The following TRABD2B variants were observed in gnomAD, a reference collection of about 807,000 sequenced individuals.
The protein encoded by TRABD2B is metalloprotease TIKI2.
In TRABD2B, 14 loss-of-function variants were observed where a neutral mutation model predicts 40.1. That is an observed-to-expected ratio of 0.35 (90% CI 0.23 to 0.55). TRABD2B has a LOEUF of 0.55. Ranked by LOEUF, TRABD2B falls within the 20% of genes least tolerant of loss-of-function variation. The probability of loss-of-function intolerance (pLI) is 0.90; values close to 1 mark genes in which losing one functional copy is unlikely to be tolerated. For missense variants in TRABD2B, 541 were observed against 648.6 expected, an observed-to-expected ratio of 0.83 and a Z score of 1.80; for synonymous variants, 263 against 277.0, an observed-to-expected ratio of 0.95 and a Z score of 0.50.
intron 2 of TRABD2B, among the ~76,000 whole-genome samples, chr1:47,902,315 A>T (rs538609341): frequency 2.0e-5 from 3 of 152,214 alleles, no homozygotes; most frequent in Non-Finnish European, 1.5e-5. Flanking sequence ...AGGTGTTGAT[A>T]AAATGGTGGG....
At chr1:47,970,555 G>A (rs1027127592) in intron 2 of TRABD2B, among the ~76,000 whole-genome samples, 2 of 152,140 alleles carry the variant, frequency 1.3e-5, no homozygotes, top group Admixed American at 6.5e-5. Context: ...TGCCTGAAAT[G>A]CCCTTCTCAT....
At chr1:47,876,187 C>G (rs144881175) in intron 2 of TRABD2B, among the ~76,000 whole-genome samples, 1 of 152,316 alleles carries the variant, frequency 6.6e-6, no homozygotes, top group East Asian at 1.9e-4. Context: ...GCGCGTCACC[C>G]TCTCTAAGCC....
chr1:47,856,562 T>C (rs755616703), intron 2 of TRABD2B, among the ~76,000 whole-genome samples: 7 of 152,204 alleles, frequency 4.6e-5, no homozygotes, highest in Non-Finnish European at 8.8e-5. Flanking sequence ...TTTGCCATCG[T>C]AGGACACAGC....
chr1:47,967,082 T>A (rs528565695), intron 2 of TRABD2B, among the ~76,000 whole-genome samples: 1 of 152,258 alleles, frequency 6.6e-6, no homozygotes, highest in South Asian at 2.1e-4. Flanking sequence ...GGATGGTTAG[T>A]GGCCTGGCCT....
intron 2 of TRABD2B, among the ~76,000 whole-genome samples, chr1:47,924,399 C>A (rs1413408566): frequency 1.3e-5 from 2 of 152,198 alleles, no homozygotes; most frequent in Non-Finnish European, 2.9e-5. Flanking sequence ...CCAGCCTACA[C>A]CTGATGCTCA....
rs139542553 is a variant in TRABD2B at position 47,895,958 on chromosome 1, T to C, written c.667-94339A>G. On this transcript the variant is annotated intron_variant, in intron 2 of 6. Coordinates refer to ENST00000606738, the MANE Select transcript of TRABD2B (RefSeq NM_001194986.2). ...CAGTGAAGGGGGGAAGGTTCCTGTG[T>C]GCCTTGGCCCCAGTGGCAGGACTCA... Among the ~76,000 whole-genome samples, 16 of 152,336 alleles carry C rather than the reference T, an allele frequency of 1.1e-4. 1 individual carries two copies. In the East Asian group the frequency reaches 2.9e-3, roughly 28 times the overall value.
chr1:47,914,434 C>T (rs1042517111), intron 2 of TRABD2B, among the ~76,000 whole-genome samples: 1 of 152,184 alleles, frequency 6.6e-6, no homozygotes, highest in Non-Finnish European at 1.5e-5. Flanking sequence ...GTGGGAAGAG[C>T]GGGGAGCTCC....
chr1:47,863,394 A>ATATATATATATATAT (rs1396681662), intron 2 of TRABD2B, among the ~76,000 whole-genome samples: 57 of 130,610 alleles, frequency 4.4e-4, no homozygotes, highest in East Asian at 1.2e-3. Flanking sequence ...ATATATATAT[A>ATATATATATATATAT]ATCTCTTAAA....
chr1:47,966,865 A>T (rs544977920), intron 2 of TRABD2B, among the ~76,000 whole-genome samples: 17 of 150,860 alleles, frequency 1.1e-4, no homozygotes, highest in Non-Finnish European at 2.2e-4. Context: ...AAATCACACC[A>T]CTGCACCACA....
Position 47,891,855 on chromosome 1 carries a change from G to GA in TRABD2B, c.667-90237dup, listed in dbSNP as rs555176972. ...ACAACAAGAAAAAACAAAAATGAAA[G>GA]AAAAAAAAAAGAAAGAGCAAGGGAC... On this transcript the variant is annotated intron_variant, in intron 2 of 6. Coordinates refer to ENST00000606738, the MANE Select transcript of TRABD2B (RefSeq NM_001194986.2). Among the ~76,000 whole-genome samples, 23 of 147,304 alleles carry GA rather than the reference G, an allele frequency of 1.6e-4. 1 individual carries two copies. Among genetic ancestry groups the GA allele is most frequent in the East Asian group, 3.9e-4 (2 of 5,080 alleles).
At chr1:47,980,669 A>G (rs968681723) in intron 2 of TRABD2B, among the ~76,000 whole-genome samples, 2 of 152,164 alleles carry the variant, frequency 1.3e-5, no homozygotes, top group Admixed American at 1.3e-4. Flanking sequence ...AGCCATCTAG[A>G]CTGGTGGCAT....
intron 2 of TRABD2B, among the ~76,000 whole-genome samples, chr1:47,976,986 A>C (rs2148434370): frequency 6.6e-6 from 1 of 152,274 alleles, no homozygotes; most frequent in East Asian, 1.9e-4. Flanking sequence ...GATGTGATTC[A>C]GGTTTCACCA....
intron 2 of TRABD2B, among the ~76,000 whole-genome samples, chr1:47,980,825 A>G (rs1397577569): frequency 1.3e-5 from 2 of 152,046 alleles, no homozygotes; most frequent in Non-Finnish European, 2.9e-5. Flanking sequence ...AAAATGGACT[A>G]TCTCACTCTC....
intron 2 of TRABD2B, among the ~76,000 whole-genome samples, chr1:47,833,024 T>C (rs539405123): frequency 6.6e-6 from 1 of 152,294 alleles, no homozygotes; most frequent in East Asian, 1.9e-4. Context: ...ACCATATAAA[T>C]TGTGTGGTAA....
chr1:47,819,332 G>C (rs947612265), intron 2 of TRABD2B: 1 of 152,274 alleles, frequency 6.6e-6, no homozygotes, highest in Admixed American at 6.5e-5. Flanking sequence ...AATATCCTGA[G>C]TGTTTGGTCT....
intron 2 of TRABD2B, among the ~76,000 whole-genome samples, chr1:47,922,872 A>T (rs528372665): frequency 3.9e-5 from 6 of 152,050 alleles, no homozygotes; most frequent in South Asian, 2.1e-4. Flanking sequence ...TTCTCATGGG[A>T]CTCCCCTGTT....
intron 2 of TRABD2B, among the ~76,000 whole-genome samples, chr1:47,981,156 G>C (rs1645835355): frequency 6.6e-6 from 1 of 152,032 alleles, no homozygotes; most frequent in African/African-American, 2.4e-5. Flanking sequence ...TGAGATAATA[G>C]GCGTGCATCA....
At chr1:47,869,121 T>C (rs903751957) in intron 2 of TRABD2B, among the ~76,000 whole-genome samples, 4 of 152,172 alleles carry the variant, frequency 2.6e-5, no homozygotes, top group Non-Finnish European at 5.9e-5. Context: ...TTCCATGTCA[T>C]GGAATTGTCT....
chr1:47,822,023 G>C (rs573693241), intron 2 of TRABD2B, among the ~76,000 whole-genome samples: 5 of 152,144 alleles, frequency 3.3e-5, no homozygotes, highest in African/African-American at 4.8e-5. Context: ...GCACAAACAC[G>C]TGCATGCACA....
Sources: gnomAD v4.1 joint callset for allele counts (sites outside exome capture counted in the v4.1 genomes callset) on GRCh38, gnomAD v4.1.1 for gene constraint, MANE v1.5 for transcripts, NCBI Gene and HGNC (gene_info 2026-07-23, HGNC 2026-07-21) for gene names.